EBF1: variants seen among roughly 807,000 people sequenced by gnomAD.
EBF1 encodes the protein EBF transcription factor 1.
In EBF1, 10 loss-of-function variants were observed where a neutral mutation model predicts 68.4. The ratio of observed to expected loss-of-function variants is 0.15; its 90% CI spans 0.09 to 0.25. The LOEUF (loss-of-function observed/expected upper bound fraction) is 0.25. Ranked by LOEUF, EBF1 falls within the 10% of genes least tolerant of loss-of-function variation. The pLI, the probability that EBF1 is intolerant of heterozygous loss-of-function variation, is 1.00. For synonymous variants in EBF1, 298 were observed against 299.8 expected, an observed-to-expected ratio of 0.99 and a Z score of 0.06; for missense variants, 509 against 794.4, an observed-to-expected ratio of 0.64 and a Z score of 4.32.
chr5:158,995,558 G>T (rs1761229712), intron 6 of EBF1, among the ~76,000 whole-genome samples: 1 of 152,150 alleles, frequency 6.6e-6, no homozygotes, highest in Non-Finnish European at 1.5e-5. Flanking sequence ...CCTCAGTGTG[G>T]TGTTGAGGAA....
intron 6 of EBF1, among the ~76,000 whole-genome samples, chr5:158,844,733 T>C (rs1443554564): frequency 6.6e-6 from 1 of 152,222 alleles, no homozygotes; most frequent in Non-Finnish European, 1.5e-5. Flanking sequence ...CTGTTTAGTC[T>C]ACTACCTCAA....
chr5:158,753,415 G>A (rs941244883), intron 10 of EBF1, among the ~76,000 whole-genome samples: 8 of 152,112 alleles, frequency 5.3e-5, no homozygotes, highest in Non-Finnish European at 1.0e-4. Flanking sequence ...GGAACTTTTA[G>A]TGGAAAGAAA....
intron 4 of EBF1, among the ~76,000 whole-genome samples, chr5:159,092,506 GA>G (rs1488136199): frequency 6.6e-6 from 1 of 152,200 alleles, no homozygotes; most frequent in African/African-American, 2.4e-5. Flanking sequence ...GAGACACTTT[GA>G]AAAGGTGTGA....
intron 8 of EBF1, among the ~76,000 whole-genome samples, chr5:158,806,124 G>A (rs1227417547): frequency 6.6e-6 from 1 of 152,014 alleles, no homozygotes; most frequent in Non-Finnish European, 1.5e-5. Flanking sequence ...ATGGCAGGCA[G>A]GTTTCAGGAA....
intron 6 of EBF1, among the ~76,000 whole-genome samples, chr5:158,852,738 A>G (rs1030592663): frequency 2.0e-5 from 3 of 152,230 alleles, no homozygotes; most frequent in Non-Finnish European, 4.4e-5. Flanking sequence ...ACTATTTCTC[A>G]TGATATCATA....
chr5:159,059,082 G>A (rs1472876632), intron 6 of EBF1, among the ~76,000 whole-genome samples: 1 of 152,208 alleles, frequency 6.6e-6, no homozygotes, highest in Non-Finnish European at 1.5e-5. Context: ...GGTGGCAACT[G>A]TAGCCCAACG....
intron 6 of EBF1, among the ~76,000 whole-genome samples, chr5:159,031,486 C>T (rs559097484): frequency 1.8e-4 from 27 of 151,954 alleles, no homozygotes; most frequent in Non-Finnish European, 3.2e-4. Flanking sequence ...CTTTCTTACA[C>T]GTATTTACTA....
intron 6 of EBF1, among the ~76,000 whole-genome samples, chr5:158,888,490 C>T (rs1381350014): frequency 6.6e-6 from 1 of 152,102 alleles, no homozygotes; most frequent in Non-Finnish European, 1.5e-5. Context: ...TACATAGCTA[C>T]AGAAAGCTTT....
chr5:158,933,997 C>T (rs1054922873), intron 6 of EBF1, among the ~76,000 whole-genome samples: 4 of 152,218 alleles, frequency 2.6e-5, no homozygotes, highest in Admixed American at 6.5e-5. Context: ...TACACAAAAA[C>T]GAAACTTGCC....
chr5:159,086,306 T>G (rs1232012966), intron 4 of EBF1, among the ~76,000 whole-genome samples: 1 of 152,194 alleles, frequency 6.6e-6, no homozygotes, highest in African/African-American at 2.4e-5. Context: ...GGAATTCTCT[T>G]ACATAACCAC....
intron 6 of EBF1, among the ~76,000 whole-genome samples, chr5:158,864,603 A>C (rs2128041675): frequency 6.6e-6 from 1 of 152,284 alleles, no homozygotes; most frequent in African/African-American, 2.4e-5. Flanking sequence ...AAAAGACAAA[A>C]AACAAGTGAA....
chr5:158,987,275 G>A (rs1204690125), intron 6 of EBF1: 3 of 152,154 alleles, frequency 2.0e-5, no homozygotes, highest in African/African-American at 7.2e-5. Context: ...GCCACTACTG[G>A]GTGGGCATTC....
intron 6 of EBF1, among the ~76,000 whole-genome samples, chr5:159,046,120 C>T (rs1772339419): frequency 6.6e-6 from 1 of 152,106 alleles, no homozygotes; most frequent in South Asian, 2.1e-4. Context: ...TCAAATATCC[C>T]TTCTCTCTAG....
At chr5:159,073,270 G>C in intron 6 of EBF1, 126 bp downstream of exon 6, 2 of 935,392 alleles carry the variant, frequency 2.1e-6, no homozygotes, top group South Asian at 1.5e-5. Context: ...TCAGCACAGC[G>C]TAAGTCATGA....
At chr5:158,733,448 A>G (rs1420898778) in intron 10 of EBF1, among the ~76,000 whole-genome samples, 1 of 152,092 alleles carries the variant, frequency 6.6e-6, no homozygotes, top group African/African-American at 2.4e-5. Context: ...TGGCGGGGAG[A>G]GAGATGTTTC....
intron 6 of EBF1, among the ~76,000 whole-genome samples, chr5:158,846,137 C>T (rs971873231): frequency 3.9e-5 from 6 of 152,136 alleles, no homozygotes; most frequent in Admixed American, 3.3e-4. Context: ...TGATCCTTCC[C>T]GCAGATATTC....
chr5:158,827,197 T>C (rs1786356326), intron 7 of EBF1, among the ~76,000 whole-genome samples: 1 of 152,202 alleles, frequency 6.6e-6, no homozygotes, highest in South Asian at 2.1e-4. Flanking sequence ...AAAGAATGTG[T>C]CGGGTTGATA....
intron 9 of EBF1, among the ~76,000 whole-genome samples, chr5:158,779,757 G>T (rs1230529364): frequency 6.6e-6 from 1 of 152,154 alleles, no homozygotes. Context: ...GACTTAATAT[G>T]TATGAGTTGC....
chr5:159,068,229 C>T (rs1777176766), intron 6 of EBF1, among the ~76,000 whole-genome samples: 1 of 151,884 alleles, frequency 6.6e-6, no homozygotes, highest in Non-Finnish European at 1.5e-5. Flanking sequence ...ATGTGGATGA[C>T]AAAAAATAAA....
Sources: gnomAD v4.1 joint callset for allele counts (sites outside exome capture counted in the v4.1 genomes callset) on GRCh38, gnomAD v4.1.1 for gene constraint, MANE v1.5 for transcripts, NCBI Gene and HGNC (gene_info 2026-07-23, HGNC 2026-07-21) for gene names.